The following SPAG16 variants were observed in gnomAD, a reference collection of about 807,000 sequenced individuals.
SPAG16 encodes the protein sperm-associated antigen 16 protein.
Under a neutral mutation model 80.4 loss-of-function variants are expected in SPAG16, and 86 were observed. The observed-to-expected ratio is 1.07, with a 90% confidence interval of 0.90 to 1.28. The LOEUF (loss-of-function observed/expected upper bound fraction) is 1.28. Among genes scored for constraint, SPAG16 ranks in the 50% most tolerant of loss-of-function variants. The probability of loss-of-function intolerance (pLI) is 0.00; values close to 1 mark genes in which losing one functional copy is unlikely to be tolerated. For missense variants in SPAG16, 870 were observed against 765.3 expected, an observed-to-expected ratio of 1.14 and a Z score of -1.61; for synonymous variants, 294 against 265.9, an observed-to-expected ratio of 1.11 and a Z score of -1.03.
intron 15 of SPAG16, among the ~76,000 whole-genome samples, chr2:214,212,470 C>T (rs1158908819): frequency 1.3e-5 from 2 of 152,104 alleles, no homozygotes; most frequent in African/African-American, 2.4e-5. Flanking sequence ...TTGGCACTAC[C>T]TGATACACGG....
chr2:214,056,889 G>A (rs934556206), intron 13 of SPAG16, among the ~76,000 whole-genome samples: 1 of 152,096 alleles, frequency 6.6e-6, no homozygotes, highest in African/African-American at 2.4e-5. Context: ...TCTTCCCCAG[G>A]AGTAGATTCC....
chr2:213,330,256 T>A (rs905341317), intron 5 of SPAG16, among the ~76,000 whole-genome samples: 1 of 152,120 alleles, frequency 6.6e-6, no homozygotes, highest in Admixed American at 6.5e-5. Flanking sequence ...CAGCTTGCAC[T>A]GTGCACCTGG....
chr2:213,799,501 A>C (rs1397043497), intron 10 of SPAG16, among the ~76,000 whole-genome samples: 1 of 152,156 alleles, frequency 6.6e-6, no homozygotes, highest in African/African-American at 2.4e-5. Flanking sequence ...ACATTACAGA[A>C]AACTTAGGGG....
intron 11 of SPAG16, among the ~76,000 whole-genome samples, chr2:213,898,790 C>T (rs1183054248): frequency 6.6e-6 from 1 of 152,052 alleles, no homozygotes; most frequent in African/African-American, 2.4e-5. Context: ...AGTAGGAATA[C>T]AGTATAGCTC....
At chr2:214,152,121 G>A (rs559119326) in intron 15 of SPAG16, among the ~76,000 whole-genome samples, 2 of 152,190 alleles carry the variant, frequency 1.3e-5, no homozygotes, top group Admixed American at 1.3e-4. Context: ...GTCATTAAAA[G>A]GCTGAAACTG....
chr2:213,487,281 AG>A (rs1179054606), intron 9 of SPAG16, among the ~76,000 whole-genome samples: 3 of 152,110 alleles, frequency 2.0e-5, no homozygotes, highest in Non-Finnish European at 4.4e-5. Flanking sequence ...AGTTAAGACC[AG>A]TGAACTATTA....
intron 13 of SPAG16, among the ~76,000 whole-genome samples, chr2:214,050,039 A>G (rs977318372): frequency 6.6e-6 from 1 of 152,068 alleles, no homozygotes; most frequent in African/African-American, 2.4e-5. Context: ...CTTGATTTCT[A>G]CACCTTTGGA....
chr2:213,599,658 T>A (rs1356117526), intron 10 of SPAG16, among the ~76,000 whole-genome samples: 1 of 152,202 alleles, frequency 6.6e-6, no homozygotes, highest in African/African-American at 2.4e-5. Context: ...TAAGGCTTCT[T>A]GTCCGCAAGA....
At chr2:214,168,773 C>G (rs771982527) in intron 15 of SPAG16, among the ~76,000 whole-genome samples, 1 of 152,060 alleles carries the variant, frequency 6.6e-6, no homozygotes, top group Non-Finnish European at 1.5e-5. Flanking sequence ...ATTAAGATAA[C>G]GCTGAATCGA....
chr2:214,223,442 A>G (rs2058630297), intron 15 of SPAG16, among the ~76,000 whole-genome samples: 1 of 152,102 alleles, frequency 6.6e-6, no homozygotes. Context: ...ATTGGTAAAA[A>G]TAAACATAGA....
chr2:213,293,604 G>A (rs1396110263), intron 1 of SPAG16, among the ~76,000 whole-genome samples: 1 of 152,204 alleles, frequency 6.6e-6, no homozygotes. Context: ...TACATTGTCA[G>A]TGAGCTGCCA....
intron 9 of SPAG16, among the ~76,000 whole-genome samples, chr2:213,467,565 G>A (rs182978748): frequency 2.0e-5 from 3 of 152,210 alleles, no homozygotes; most frequent in African/African-American, 7.2e-5. Flanking sequence ...GAGGAGGGGA[G>A]GCCTGGACTG....
In SPAG16 at chr2:213,842,269, G is replaced by C. The variant is rs988459022; in HGVS notation, c.1071-20216G>C. Reference sequence around the variant, plus strand: ...TTAAGTCTAATAACATATCGTAGCAGATATATTGTGCACTTTTATTTGTAT... The same window carrying C: ...TTAAGTCTAATAACATATCGTAGCACATATATTGTGCACTTTTATTTGTAT... On this transcript the variant is annotated intron_variant, in intron 10 of 15. Coordinates refer to ENST00000331683, the MANE Select transcript of SPAG16 (RefSeq NM_024532.5). 7.2e-5 allele frequency among the ~76,000 whole-genome samples: 11 copies of C among 152,106 alleles called. No homozygotes were observed. The South Asian group carries it at 2.3e-3, about 31-fold the overall frequency.
At position 214,242,872 on chromosome 2, in the gene SPAG16, G is replaced by A. The variant is rs555798457; in HGVS notation, c.1720+93606G>A. ...ATGTGATCTATTAACTATCACTTGG[G>A]TAGCTGCAGCCCTACATCGATTGTT... On this transcript the variant is annotated intron_variant, in intron 15 of 15. Transcript: ENST00000331683. Among the ~76,000 whole-genome samples, 5 of 152,140 alleles carry A rather than the reference G, an allele frequency of 3.3e-5. No individual in the cohort carries two copies. In the East Asian group the frequency reaches 5.8e-4, roughly 18 times the overall value.
chr2:213,580,806 A>G (rs886508419), intron 10 of SPAG16, among the ~76,000 whole-genome samples: 4 of 152,046 alleles, frequency 2.6e-5, no homozygotes, highest in African/African-American at 7.2e-5. Flanking sequence ...TTTATTTATC[A>G]TTTTAATACA....
At chr2:213,707,755 T>C (rs2065821309) in intron 10 of SPAG16, among the ~76,000 whole-genome samples, 1 of 149,250 alleles carries the variant, frequency 6.7e-6, no homozygotes, top group African/African-American at 2.6e-5. Flanking sequence ...TCTAAGGTGA[T>C]GGAAAAAAAT....
At chr2:213,971,171 A>G (rs929717695) in intron 12 of SPAG16, among the ~76,000 whole-genome samples, 7 of 152,166 alleles carry the variant, frequency 4.6e-5, no homozygotes, top group African/African-American at 1.2e-4. Context: ...TTCAAAAGAT[A>G]TTAATCAGAA....
At chr2:213,614,250 T>G (rs2061525608) in intron 10 of SPAG16, among the ~76,000 whole-genome samples, 1 of 152,194 alleles carries the variant, frequency 6.6e-6, no homozygotes, top group Non-Finnish European at 1.5e-5. Flanking sequence ...CTGCAAGTGA[T>G]TGATTAAGCT....
At chr2:213,674,505 G>T (rs1284722280) in intron 10 of SPAG16, among the ~76,000 whole-genome samples, 1 of 150,400 alleles carries the variant, frequency 6.6e-6, no homozygotes, top group Non-Finnish European at 1.5e-5. Flanking sequence ...TCTAGCATTA[G>T]GTATATCTCC....
Sources: gnomAD v4.1 joint callset for allele counts (sites outside exome capture counted in the v4.1 genomes callset) on GRCh38, gnomAD v4.1.1 for gene constraint, MANE v1.5 for transcripts, NCBI Gene and HGNC (gene_info 2026-07-23, HGNC 2026-07-21) for gene names.